The following MRPS6 variants were observed in gnomAD, a reference collection of about 807,000 sequenced individuals.
MRPS6 encodes the protein mitochondrial ribosomal protein S6, also known as small ribosomal subunit protein bS6m.
MRPS6 carries 6 observed loss-of-function variants against 13.1 expected under a neutral mutation model. The observed-to-expected ratio is 0.46, with a 90% confidence interval of 0.25 to 0.91. The LOEUF is 0.91. Ranked by LOEUF, MRPS6 falls within the 40% of genes least tolerant of loss-of-function variation. The pLI, the probability that MRPS6 is intolerant of heterozygous loss-of-function variation, is 0.18. For missense variants in MRPS6, 164 were observed against 155.6 expected (o/e 1.05, Z -0.29); for synonymous variants, 61 against 56.5 (o/e 1.08, Z -0.36).
At chr21:34,095,347 C>T (rs1194028093) in intron 1 of MRPS6, 1 of 1,614,060 alleles carries the variant, frequency 6.2e-7, no homozygotes, top group African/African-American at 1.3e-5. Context: ...ACCTGGGTAG[C>T]AATTGGTGCC....
intron 2 of MRPS6, among the ~76,000 whole-genome samples, chr21:34,140,356 T>C (rs1334359061): frequency 6.6e-6 from 1 of 152,238 alleles, no homozygotes; most frequent in Non-Finnish European, 1.5e-5. Context: ...AATTGCCCTT[T>C]TGATTTCTCC....
chr21:34,084,361 G>T (rs955584221), intron 1 of MRPS6, among the ~76,000 whole-genome samples: 3 of 151,988 alleles, frequency 2.0e-5, no homozygotes, highest in Admixed American at 6.6e-5. Flanking sequence ...TTTTTTTCTA[G>T]AAACATAAAA....
At chr21:34,091,016 G>A (rs1231716178) in intron 1 of MRPS6, among the ~76,000 whole-genome samples, 1 of 18,928 alleles carries the variant, frequency 5.3e-5, no homozygotes, top group Non-Finnish European at 9.7e-5. Flanking sequence ...AAAAGTGATT[G>A]TAATTCAGGT....
intron 1 of MRPS6, chr21:34,102,600 C>A (rs573752642): frequency 2.0e-6 from 2 of 999,968 alleles, no homozygotes; most frequent in Non-Finnish European, 2.4e-6. Flanking sequence ...TTGACTTAAA[C>A]CAATAACTGT....
At chr21:34,109,841 AACATC>A (rs1979628444) in intron 1 of MRPS6, among the ~76,000 whole-genome samples, 1 of 152,160 alleles carries the variant, frequency 6.6e-6, no homozygotes, top group Admixed American at 6.5e-5. Flanking sequence ...TGTGCATCAA[AACATC>A]ACATTGTTTA....
intron 1 of MRPS6, chr21:34,099,664 CTACCTT>C: frequency 1.0e-6 from 1 of 997,952 alleles, no homozygotes; most frequent in Non-Finnish European, 1.2e-6. Context: ...TAGGGTCCCT[CTACCTT>C]CTTTCTGCTC....
chr21:34,119,058 C>A (rs538344435), intron 1 of MRPS6, among the ~76,000 whole-genome samples: 1 of 152,210 alleles, frequency 6.6e-6, no homozygotes, highest in Non-Finnish European at 1.5e-5. Context: ...GAATTTTATT[C>A]TAATTTAAAA....
chr21:34,078,285 T>A (rs190723644), intron 1 of MRPS6, among the ~76,000 whole-genome samples: 1 of 152,186 alleles, frequency 6.6e-6, no homozygotes, highest in Non-Finnish European at 1.5e-5. Flanking sequence ...AACAATGTTA[T>A]ACTTTCATTT....
At chr21:34,140,671 A>G (rs1980877818) in intron 2 of MRPS6, among the ~76,000 whole-genome samples, 1 of 152,194 alleles carries the variant, frequency 6.6e-6, no homozygotes, top group Non-Finnish European at 1.5e-5. Context: ...AAAAGACTTC[A>G]GCTGTGATTC....
At chr21:34,104,091 T>A in intron 1 of MRPS6, 2 of 1,000,076 alleles carry the variant, frequency 2.0e-6, no homozygotes, top group South Asian at 9.4e-5. Context: ...ATTTTTTTTG[T>A]GTACGTTTGT....
intron 1 of MRPS6, chr21:34,099,390 G>A: frequency 1.0e-6 from 1 of 1,000,208 alleles, no homozygotes; most frequent in Non-Finnish European, 1.2e-6. Context: ...TCAATGTTTT[G>A]TCCTGTTTTT....
intron 2 of MRPS6, among the ~76,000 whole-genome samples, chr21:34,139,417 G>A (rs1048235547): frequency 6.6e-6 from 1 of 151,968 alleles, no homozygotes; most frequent in Admixed American, 6.6e-5. Context: ...ATTCTTTGTG[G>A]GAAGCTTTTA....
chr21:34,121,529 C>T (rs746690524), intron 1 of MRPS6, among the ~76,000 whole-genome samples: 26 of 151,786 alleles, frequency 1.7e-4, no homozygotes, highest in Non-Finnish European at 2.9e-4. Context: ...TGTTTTCAGC[C>T]CTCAGTCTGT....
chr21:34,080,442 T>C (rs1322996357), intron 1 of MRPS6, among the ~76,000 whole-genome samples: 2 of 152,184 alleles, frequency 1.3e-5, no homozygotes, highest in African/African-American at 2.4e-5. Context: ...TTTTATTTTC[T>C]TTGGTGCCGG....
intron 1 of MRPS6, among the ~76,000 whole-genome samples, chr21:34,109,881 T>A (rs775365610): frequency 1.4e-4 from 21 of 152,062 alleles, no homozygotes; most frequent in Non-Finnish European, 2.4e-4. Flanking sequence ...CATTTTTATT[T>A]GACAATCATA....
intron 2 of MRPS6, among the ~76,000 whole-genome samples, chr21:34,134,554 A>G (rs929059920): frequency 6.6e-6 from 1 of 152,206 alleles, no homozygotes; most frequent in African/African-American, 2.4e-5. Context: ...ATAATTTAAT[A>G]AGGTTTGACA....
intron 2 of MRPS6, among the ~76,000 whole-genome samples, chr21:34,132,539 GCTA>G (rs1980541189): frequency 1.3e-5 from 2 of 152,224 alleles, no homozygotes; most frequent in Non-Finnish European, 2.9e-5. Flanking sequence ...GCCTCCCGAA[GCTA>G]GGAAAGCCCA....
intron 1 of MRPS6, chr21:34,104,669 T>C (rs1190347365): frequency 1.0e-6 from 1 of 1,000,192 alleles, no homozygotes; most frequent in Non-Finnish European, 1.2e-6. Flanking sequence ...TACCACATTA[T>C]TTGAGAATAT....
At chr21:34,104,039 C>T (rs1939804285) in intron 1 of MRPS6, 4 of 999,940 alleles carry the variant, frequency 4.0e-6, no homozygotes, top group African/African-American at 3.5e-5. Flanking sequence ...CCCAAACATG[C>T]AGAAAGTCAT....
Sources: allele counts gnomAD v4.1 joint callset (sites outside exome capture counted in the v4.1 genomes callset), GRCh38; gene constraint gnomAD v4.1.1; transcripts MANE v1.5; gene names NCBI Gene and HGNC (gene_info 2026-07-23, HGNC 2026-07-21).